Variants in LAMA2 observed in about 807,000 individuals in gnomAD.
LAMA2 encodes laminin subunit alpha-2.
In LAMA2, 269 loss-of-function variants were observed where a neutral mutation model predicts 364.8. That is an observed-to-expected ratio of 0.74 (90% confidence interval 0.67 to 0.82). The LOEUF (loss-of-function observed/expected upper bound fraction) is 0.82. Ranked by LOEUF, LAMA2 falls within the 40% of genes least tolerant of loss-of-function variation. LAMA2 has a pLI of 0.00. For synonymous variants in LAMA2, 1,379 were observed against 1,370.6 expected, an observed-to-expected ratio of 1.01 and a Z score of -0.14; for missense variants, 3,807 against 3,873.2, an observed-to-expected ratio of 0.98 and a Z score of 0.45.
intron 12 of LAMA2, among the ~76,000 whole-genome samples, chr6:129,220,173 A>G (rs1480117024): frequency 1.3e-5 from 2 of 152,122 alleles, no homozygotes; most frequent in Non-Finnish European, 2.9e-5. Flanking sequence ...TTGCACAACT[A>G]AGTTGGCTTT....
chr6:129,253,299 G>T (rs1307407096), intron 14 of LAMA2, among the ~76,000 whole-genome samples: 1 of 152,066 alleles, frequency 6.6e-6, no homozygotes, highest in East Asian at 1.9e-4. Context: ...CTGACAACCC[G>T]GTATACCTTT....
At chr6:129,026,349 C>T (rs770911595) in intron 1 of LAMA2, among the ~76,000 whole-genome samples, 5 of 151,944 alleles carry the variant, frequency 3.3e-5, no homozygotes, top group African/African-American at 4.8e-5. Context: ...AATATATTGT[C>T]GAGTTGTGAG....
At chr6:129,329,487 G>A (rs555892003) in intron 29 of LAMA2, among the ~76,000 whole-genome samples, 2 of 152,004 alleles carry the variant, frequency 1.3e-5, no homozygotes, top group Admixed American at 1.3e-4. Context: ...TCAGCCTCCT[G>A]AGTAGCTGGG....
chr6:128,943,973 T>C (rs1780338122), intron 1 of LAMA2, among the ~76,000 whole-genome samples: 1 of 152,188 alleles, frequency 6.6e-6, no homozygotes. Flanking sequence ...GATACGTCTG[T>C]TATGATGCAA....
chr6:129,125,303 T>C (rs1356108160), intron 4 of LAMA2, among the ~76,000 whole-genome samples: 1 of 152,142 alleles, frequency 6.6e-6, no homozygotes, highest in Non-Finnish European at 1.5e-5. Flanking sequence ...GCTGAATAGA[T>C]AGTGTATAGT....
At chr6:129,436,197 C>T (rs2326820) in intron 41 of LAMA2, among the ~76,000 whole-genome samples, 9,813 of 152,150 alleles carry the variant, frequency 0.064, 404 homozygotes, top group Middle Eastern at 0.12. Context: ...GTACATTGTC[C>T]CTCACGGCAC....
chr6:129,341,813 C>T (rs960303950), intron 29 of LAMA2, among the ~76,000 whole-genome samples: 6 of 152,202 alleles, frequency 3.9e-5, no homozygotes, highest in Admixed American at 3.9e-4. Context: ...AAGAAGATAT[C>T]GATCTGAGAT....
chr6:129,004,705 C>G (rs1784334563), intron 1 of LAMA2, among the ~76,000 whole-genome samples: 1 of 152,100 alleles, frequency 6.6e-6, no homozygotes, highest in Non-Finnish European at 1.5e-5. Flanking sequence ...TTCTTATTTT[C>G]AGGCCTTATT....
chr6:129,266,244 G>A (rs888985824), intron 15 of LAMA2, among the ~76,000 whole-genome samples: 14 of 152,018 alleles, frequency 9.2e-5, no homozygotes, highest in Admixed American at 7.9e-4. Flanking sequence ...TGCTTATTTT[G>A]CATCTCATCC....
intron 2 of LAMA2, among the ~76,000 whole-genome samples, chr6:129,055,480 C>T (rs1436259294): frequency 1.3e-5 from 2 of 152,112 alleles, no homozygotes; most frequent in African/African-American, 4.8e-5. Flanking sequence ...AGGTGTGAGC[C>T]ACCGCGCCTG....
chr6:129,260,783 G>T lies in LAMA2; in HGVS notation c.2169G>T (p.Val723=), dbSNP rs779508493. The T allele has an allele frequency of 8.1e-6, 13 of 1,612,158 alleles. No homozygotes were observed. Among genetic ancestry groups the T allele is most frequent in the Non-Finnish European group, 1.1e-5 (13 of 1,178,408 alleles). Reference sequence around the variant, plus strand: ...GAAGCATTGCAGCAGCTGTAGAAGTGTGTCAGTGCCCACCAGGGTATACTG... The same window carrying T: ...GAAGCATTGCAGCAGCTGTAGAAGTTTGTCAGTGCCCACCAGGGTATACTG... The part of the protein sequence containing the change: ...TDGSIAAAVE[V]CQCPPGYTGS... The change falls in exon 15 of 65, where the codon GTG becomes GTT. Residue 723 remains valine (V), a synonymous_variant. Transcript: ENST00000421865.
At chr6:129,496,831 G>A (rs1445363016) in intron 58 of LAMA2, among the ~76,000 whole-genome samples, 1 of 152,158 alleles carries the variant, frequency 6.6e-6, no homozygotes, top group Non-Finnish European at 1.5e-5. Context: ...AATTCTGGCA[G>A]GTTACTTGTC....
At chr6:129,444,630 A>G (rs1466838697) in intron 44 of LAMA2, among the ~76,000 whole-genome samples, 2 of 152,146 alleles carry the variant, frequency 1.3e-5, no homozygotes, top group African/African-American at 4.8e-5. Flanking sequence ...CAAAATACCT[A>G]CTTTAAAACC....
At chr6:129,189,692 T>G (rs1781420531) in intron 10 of LAMA2, among the ~76,000 whole-genome samples, 1 of 152,128 alleles carries the variant, frequency 6.6e-6, no homozygotes, top group South Asian at 2.1e-4. Flanking sequence ...TTCCTATGCT[T>G]GCCTCAAATG....
At chr6:129,387,635 G>T (rs776307857) in intron 35 of LAMA2, among the ~76,000 whole-genome samples, 31 of 152,186 alleles carry the variant, frequency 2.0e-4, no homozygotes, top group African/African-American at 2.4e-5. Context: ...TTTATGCAAA[G>T]AGATGGAACC....
At chr6:128,968,487 TG>T (rs919642484) in intron 1 of LAMA2, among the ~76,000 whole-genome samples, 1 of 151,940 alleles carries the variant, frequency 6.6e-6, no homozygotes, top group African/African-American at 2.4e-5. Context: ...ATGCTAAGGA[TG>T]GGAAGAAATG....
At chr6:129,094,526 C>T (rs1775053977) in intron 3 of LAMA2, among the ~76,000 whole-genome samples, 1 of 152,100 alleles carries the variant, frequency 6.6e-6, no homozygotes, top group Admixed American at 6.5e-5. Flanking sequence ...GTCATAAATC[C>T]ACATTGTAGC....
At chr6:129,015,894 T>G (rs1045150221) in intron 1 of LAMA2, among the ~76,000 whole-genome samples, 1 of 152,046 alleles carries the variant, frequency 6.6e-6, no homozygotes, top group Non-Finnish European at 1.5e-5. Flanking sequence ...AGGTACAATA[T>G]ATAAACTTGC....
Position 129,205,095 on chromosome 6 carries a change from A to T in LAMA2, c.1782+12242A>T, listed in dbSNP as rs570591203. Among the ~76,000 whole-genome samples the T allele has an allele frequency of 5.9e-5, 9 of 152,210 alleles. No individual in the cohort carries two copies. The South Asian group carries it at 1.9e-3, about 32-fold the overall frequency. ...ATACATTGATGCAATCCAAAAAAAAAATCCAAAGTTATAGCTGGGCAGGGT... is the reference window on the plus strand; with the variant it reads ...ATACATTGATGCAATCCAAAAAAAATATCCAAAGTTATAGCTGGGCAGGGT... On this transcript the variant is annotated intron_variant, in intron 12 of 64. Transcript: ENST00000421865.
Sources: allele counts gnomAD v4.1 joint callset (sites outside exome capture counted in the v4.1 genomes callset), GRCh38; gene constraint gnomAD v4.1.1; transcripts MANE v1.5; gene names NCBI Gene and HGNC (gene_info 2026-07-23, HGNC 2026-07-21).